LRP1B: variants seen among roughly 807,000 people sequenced by gnomAD.
The protein encoded by LRP1B is LDL receptor related protein 1B, also known as low-density lipoprotein receptor-related protein 1B.
LRP1B carries 217 observed loss-of-function variants against 556.6 expected under a neutral mutation model. The ratio of observed to expected loss-of-function variants is 0.39; its 90% CI spans 0.35 to 0.44. The LOEUF (loss-of-function observed/expected upper bound fraction) is 0.44, where lower values mean the gene tolerates loss of function less well. Among genes scored for constraint, LRP1B ranks in the 20% least tolerant of loss-of-function variants. The probability of loss-of-function intolerance (pLI) is 1.00; values close to 1 mark genes in which losing one functional copy is unlikely to be tolerated. For missense variants in LRP1B, 5,053 were observed against 5,620.8 expected, an observed-to-expected ratio of 0.90 and a Z score of 3.23; for synonymous variants, 2,047 against 1,865.8, an observed-to-expected ratio of 1.10 and a Z score of -2.50.
intron 49 of LRP1B, among the ~76,000 whole-genome samples, chr2:140,519,015 C>T (rs565274448): frequency 6.6e-6 from 1 of 152,136 alleles, no homozygotes. Context: ...GAATCAATAT[C>T]ATAAAACTGG....
rs576339940 is a variant in LRP1B at position 140,654,793 on chromosome 2, A to T, written c.6799+45457T>A. ...AAAATGGATTTATTTGACATCTGAA[A>T]CTTATCACAAAGGGTCTCTTACTAT... On this transcript the variant is annotated intron_variant, in intron 41 of 90. Coordinates refer to ENST00000389484, the MANE Select transcript of LRP1B (RefSeq NM_018557.3). Among the ~76,000 whole-genome samples, 4 of 152,284 alleles carry T rather than the reference A, an allele frequency of 2.6e-5. No homozygotes were observed. The East Asian group carries it at 7.7e-4, about 29-fold the overall frequency.
chr2:140,246,972 T>C, intron 87 of LRP1B, 114 bp downstream of exon 87: 1 of 694,724 alleles, frequency 1.4e-6, no homozygotes, highest in Admixed American at 2.2e-5. Flanking sequence ...TTGCAGTGGA[T>C]CTCTTATAAA....
chr2:140,609,440 A>G (rs1682989668), intron 41 of LRP1B, among the ~76,000 whole-genome samples: 2 of 152,124 alleles, frequency 1.3e-5, no homozygotes, highest in Admixed American at 6.5e-5. Flanking sequence ...TTTCATTTCT[A>G]GTCCATATTT....
At chr2:140,544,764 G>A (rs1680263672) in intron 43 of LRP1B, among the ~76,000 whole-genome samples, 1 of 152,042 alleles carries the variant, frequency 6.6e-6, no homozygotes, top group African/African-American at 2.4e-5. Flanking sequence ...GCTATTGTGA[G>A]TAGGGCTGTA....
intron 10 of LRP1B, among the ~76,000 whole-genome samples, chr2:141,051,794 ATTT>A (rs1414181507): frequency 5.3e-5 from 8 of 151,900 alleles, no homozygotes; most frequent in Non-Finnish European, 8.8e-5. Context: ...GATTAATATT[ATTT>A]TTATTATATC....
intron 1 of LRP1B, among the ~76,000 whole-genome samples, chr2:142,031,029 T>C (rs1703674478): frequency 6.6e-6 from 1 of 151,970 alleles, no homozygotes; most frequent in African/African-American, 2.4e-5. Context: ...CTTCATGTTA[T>C]TTCTTATACC....
At chr2:141,368,609 G>T (rs1301117750) in intron 3 of LRP1B, among the ~76,000 whole-genome samples, 1 of 152,156 alleles carries the variant, frequency 6.6e-6, no homozygotes, top group East Asian at 1.9e-4. Flanking sequence ...CTCACATGTG[G>T]CTTTTATTCT....
intron 3 of LRP1B, among the ~76,000 whole-genome samples, chr2:141,408,641 GT>G (rs1356041934): frequency 6.6e-6 from 1 of 151,256 alleles, no homozygotes; most frequent in Non-Finnish European, 1.5e-5. Context: ...TTATCAAGTA[GT>G]TTTTTATTGA....
At chr2:141,990,005 T>C (rs1702301806) in intron 1 of LRP1B, among the ~76,000 whole-genome samples, 1 of 152,254 alleles carries the variant, frequency 6.6e-6, no homozygotes. Context: ...ACATATGGAA[T>C]ACACACTATT....
intron 34 of LRP1B, among the ~76,000 whole-genome samples, chr2:140,769,659 C>T (rs532337110): frequency 1.4e-4 from 21 of 151,938 alleles, no homozygotes; most frequent in African/African-American, 4.6e-4. Flanking sequence ...GATGCTGGTA[C>T]GGGCCCCACA....
At chr2:141,870,334 C>T (rs778460774) in intron 1 of LRP1B, among the ~76,000 whole-genome samples, 16 of 151,884 alleles carry the variant, frequency 1.1e-4, no homozygotes, top group Non-Finnish European at 5.9e-5. Flanking sequence ...AGCCTCAATT[C>T]TAGAGCTGCA....
intron 31 of LRP1B, among the ~76,000 whole-genome samples, chr2:140,829,305 T>C (rs1450604315): frequency 6.6e-6 from 1 of 152,172 alleles, no homozygotes; most frequent in Non-Finnish European, 1.5e-5. Flanking sequence ...TTACAGAGTA[T>C]TTTGTCCAAC....
At chr2:140,930,812 T>C (rs746582677) in intron 20 of LRP1B, among the ~76,000 whole-genome samples, 1 of 152,146 alleles carries the variant, frequency 6.6e-6, no homozygotes. Context: ...TGAATCACTA[T>C]GTATTAATAA....
intron 2 of LRP1B, among the ~76,000 whole-genome samples, chr2:141,547,672 A>G (rs1685601177): frequency 6.6e-6 from 1 of 152,144 alleles, no homozygotes; most frequent in Non-Finnish European, 1.5e-5. Flanking sequence ...TGTCCCGTGC[A>G]GCAGGCATGC....
chr2:141,361,838 C>A (rs1688837591), intron 3 of LRP1B, among the ~76,000 whole-genome samples: 1 of 152,182 alleles, frequency 6.6e-6, no homozygotes, highest in South Asian at 2.1e-4. Flanking sequence ...AAAAAAATAT[C>A]TATCATTCAT....
rs1682515799 is a variant in LRP1B at position 141,472,505 on chromosome 2, A to C, written c.343+7891T>G. Among the ~76,000 whole-genome samples, 3 of 152,126 alleles carry C rather than the reference A, an allele frequency of 2.0e-5. No homozygotes were observed. In the South Asian group the frequency reaches 6.2e-4, roughly 31 times the overall value. On this transcript the variant is annotated intron_variant, in intron 3 of 90. Transcript: ENST00000389484. ...CAATGAGCTGAAATTGTACCAGTGCACTCCAGCCTGGGTGACAAGAGCAAG... is the reference window on the plus strand; with the variant it reads ...CAATGAGCTGAAATTGTACCAGTGCCCTCCAGCCTGGGTGACAAGAGCAAG...
rs541964326 is a variant in LRP1B at position 141,244,573 on chromosome 2, T to C, written c.592+2653A>G. Among the ~76,000 whole-genome samples the C allele has an allele frequency of 4.0e-4, 61 of 152,318 alleles. 2 individuals are homozygous for C. In the South Asian group the frequency reaches 0.013, roughly 32 times the overall value. On this transcript the variant is annotated intron_variant, in intron 5 of 90. Coordinates refer to ENST00000389484, the MANE Select transcript of LRP1B (RefSeq NM_018557.3). ...ATGCTTGTTTCTAGCACTTGTCAGA[T>C]ATAGCCACATTACTGTATAACAAAA...
chr2:142,047,090 A>T (rs879508099), intron 1 of LRP1B, among the ~76,000 whole-genome samples: 17 of 151,920 alleles, frequency 1.1e-4, no homozygotes, highest in Non-Finnish European at 2.4e-4. Flanking sequence ...ATGGAGATGG[A>T]TCCTTTTTGG....
intron 43 of LRP1B, among the ~76,000 whole-genome samples, chr2:140,553,714 T>TGGAGAGTATAG (rs1680629984): frequency 6.6e-6 from 1 of 151,984 alleles, no homozygotes; most frequent in African/African-American, 2.4e-5. Context: ...CAAGGATTTT[T>TGGAGAGTATAG]GGAGAGTATA....
Sources: gnomAD v4.1 joint callset for allele counts (sites outside exome capture counted in the v4.1 genomes callset) on GRCh38, gnomAD v4.1.1 for gene constraint, MANE v1.5 for transcripts, NCBI Gene and HGNC (gene_info 2026-07-23, HGNC 2026-07-21) for gene names.